Variants in WWOX observed in about 807,000 individuals in gnomAD.
WWOX encodes the protein WW domain containing oxidoreductase.
In WWOX, 69 loss-of-function variants were observed where a neutral mutation model predicts 46.2. That is an observed-to-expected ratio of 1.49 (90% confidence interval 1.23 to 1.82). The LOEUF is 1.82. WWOX is among the 40% of genes most tolerant of loss of function. The probability of loss-of-function intolerance (pLI) is 0.00; values close to 1 mark genes in which losing one functional copy is unlikely to be tolerated. For missense variants in WWOX, 919 were observed against 542.6 expected, an observed-to-expected ratio of 1.69 and a Z score of -6.89; for synonymous variants, 359 against 202.6, an observed-to-expected ratio of 1.77 and a Z score of -6.56.
At chr16:78,999,878 A>T (rs1024987073) in intron 8 of WWOX, among the ~76,000 whole-genome samples, 2 of 152,224 alleles carry the variant, frequency 1.3e-5, no homozygotes, top group Admixed American at 6.5e-5. Flanking sequence ...ATAAAAAATT[A>T]AAAAGAGTTA....
At chr16:78,525,983 T>C (rs2978632) in intron 8 of WWOX, 92,339 of 152,104 alleles carry the variant, frequency 0.61, 29,230 homozygotes, top group Admixed American at 0.72. Context: ...GCAGAGCACA[T>C]GTATCATCCT....
intron 8 of WWOX, among the ~76,000 whole-genome samples, chr16:79,158,332 G>C (rs2050421603): frequency 6.6e-6 from 1 of 152,200 alleles, no homozygotes; most frequent in Admixed American, 6.5e-5. Context: ...TTTTCAGGTG[G>C]AAAAATCACA....
chr16:78,833,648 G>C (rs73577478), intron 8 of WWOX, among the ~76,000 whole-genome samples: 1,808 of 152,298 alleles, frequency 0.012, 43 homozygotes, highest in African/African-American at 0.041. Context: ...TTACTGATGT[G>C]TTTAAGAATC....
chr16:78,681,937 T>G (rs2047739534), intron 8 of WWOX, among the ~76,000 whole-genome samples: 1 of 151,972 alleles, frequency 6.6e-6, no homozygotes, highest in Non-Finnish European at 1.5e-5. Flanking sequence ...GGCCCAGGAG[T>G]CTGCTTTTCT....
At chr16:78,103,301 A>T (rs537540745) in intron 1 of WWOX, among the ~76,000 whole-genome samples, 1 of 149,780 alleles carries the variant, frequency 6.7e-6, no homozygotes, top group South Asian at 2.1e-4. Context: ...ATACATGTGC[A>T]GGATGTGCAG....
chr16:78,961,790 C>T (rs2046275834), intron 8 of WWOX, among the ~76,000 whole-genome samples: 1 of 152,128 alleles, frequency 6.6e-6, no homozygotes, highest in Non-Finnish European at 1.5e-5. Flanking sequence ...CTCAGGTTAT[C>T]ATAGTAGTCT....
At chr16:78,610,817 T>C (rs190441671) in intron 8 of WWOX, among the ~76,000 whole-genome samples, 75 of 152,276 alleles carry the variant, frequency 4.9e-4, no homozygotes, top group South Asian at 1.7e-3. Flanking sequence ...GGGGGCATTA[T>C]CATTATTATT....
At chr16:78,773,237 C>A (rs190991747) in intron 8 of WWOX, among the ~76,000 whole-genome samples, 10 of 152,008 alleles carry the variant, frequency 6.6e-5, no homozygotes, top group African/African-American at 2.4e-4. Flanking sequence ...TAAGTAGAGC[C>A]CGAGTTTGTG....
intron 8 of WWOX, among the ~76,000 whole-genome samples, chr16:78,622,233 C>G (rs117450035): frequency 2.0e-5 from 3 of 152,090 alleles, no homozygotes; most frequent in Admixed American, 2.0e-4. Context: ...TAAATTCTGA[C>G]CCTACTCTGA....
At chr16:78,294,598 T>A (rs916861722) in intron 5 of WWOX, among the ~76,000 whole-genome samples, 5 of 152,174 alleles carry the variant, frequency 3.3e-5, no homozygotes, top group Admixed American at 1.3e-4. Context: ...TGTGTATGTA[T>A]GTCCCCACTA....
At chr16:78,678,883 C>T (rs888517768) in intron 8 of WWOX, among the ~76,000 whole-genome samples, 3 of 152,196 alleles carry the variant, frequency 2.0e-5, no homozygotes, top group African/African-American at 7.2e-5. Flanking sequence ...ACGACTGAGG[C>T]TCACAGAGGT....
At chr16:78,877,322 A>G (rs2044254525) in intron 8 of WWOX, among the ~76,000 whole-genome samples, 1 of 141,808 alleles carries the variant, frequency 7.1e-6, no homozygotes, top group Non-Finnish European at 1.5e-5. Flanking sequence ...AGCTTTTTCC[A>G]CCTACTGGCC....
chr16:78,763,822 A>G (rs1485200389), intron 8 of WWOX, among the ~76,000 whole-genome samples: 1 of 152,244 alleles, frequency 6.6e-6, no homozygotes, highest in South Asian at 2.1e-4. Context: ...AATTGTCAGC[A>G]TAGTAGAGCT....
chr16:78,376,959 AT>A (rs1450216689), intron 5 of WWOX, among the ~76,000 whole-genome samples: 1 of 152,184 alleles, frequency 6.6e-6, no homozygotes, highest in Non-Finnish European at 1.5e-5. Flanking sequence ...TTTTTATTGA[AT>A]TTAACCACTA....
chr16:78,742,648 C>T (rs1332741439), intron 8 of WWOX, among the ~76,000 whole-genome samples: 1 of 152,162 alleles, frequency 6.6e-6, no homozygotes, highest in Non-Finnish European at 1.5e-5. Flanking sequence ...GTGACTCACT[C>T]GGGGCTAAAA....
At chr16:78,760,341 C>A (rs141092893) in intron 8 of WWOX, among the ~76,000 whole-genome samples, 1 of 152,174 alleles carries the variant, frequency 6.6e-6, no homozygotes, top group Admixed American at 6.5e-5. Context: ...ATGGGAGCTA[C>A]AATTCAATAT....
intron 4 of WWOX, among the ~76,000 whole-genome samples, chr16:78,144,867 T>A (rs1457258620): frequency 3.3e-5 from 5 of 152,090 alleles, no homozygotes. Flanking sequence ...TAATTAAAAT[T>A]TGAAATAATT....
intron 8 of WWOX, among the ~76,000 whole-genome samples, chr16:78,533,171 G>T (rs952563441): frequency 1.3e-5 from 2 of 152,084 alleles, no homozygotes; most frequent in African/African-American, 2.4e-5. Context: ...AGCTCCTGAG[G>T]CTATCTTTAC....
At chr16:79,155,036 G>C (rs1306238855) in intron 8 of WWOX, among the ~76,000 whole-genome samples, 1 of 152,208 alleles carries the variant, frequency 6.6e-6, no homozygotes, top group African/African-American at 2.4e-5. Context: ...CCCAGACTTA[G>C]GGTTCTAGAT....
Sources: allele counts gnomAD v4.1 joint callset (sites outside exome capture counted in the v4.1 genomes callset), GRCh38; gene constraint gnomAD v4.1.1; transcripts MANE v1.5; gene names NCBI Gene and HGNC (gene_info 2026-07-23, HGNC 2026-07-21).